Variants in PLXDC2 observed in about 807,000 individuals in gnomAD.
PLXDC2 encodes the protein plexin domain-containing protein 2.
PLXDC2 carries 40 observed loss-of-function variants against 68.9 expected under a neutral mutation model. The ratio of observed to expected loss-of-function variants is 0.58; its 90% CI spans 0.45 to 0.76. PLXDC2 has a LOEUF of 0.76. PLXDC2 is among the 30% of genes least tolerant of loss of function. The pLI is 0.00. For synonymous variants in PLXDC2, 243 were observed against 234.2 expected, an observed-to-expected ratio of 1.04 and a Z score of -0.34; for missense variants, 644 against 661.9, an observed-to-expected ratio of 0.97 and a Z score of 0.30.
In PLXDC2 at chr10:20,279,751, C is replaced by G; in HGVS notation, c.1522C>G (p.His508Asp). ...PAMKFRRGSG[H>D]PAYAEVEPVG... The stretch of plus-strand genomic sequence containing the variant: ...GATGAAGTTTAGAAGAGGCTCTGGA[C>G]ATCCTGCCTATGCTGAAGTTGAACC... Residue 508 changes from histidine (H) to aspartate (D), a missense_variant, in exon 14 of 14, where the codon CAT becomes GAT. His to Asp is a moderately conservative substitution (Grantham distance 81, BLOSUM62 -1). Coordinates refer to ENST00000377252, the MANE Select transcript of PLXDC2 (RefSeq NM_032812.9). 6.2e-7 allele frequency: 1 copy of G among 1,613,960 alleles called. No individual in the cohort carries two copies. Among genetic ancestry groups the G allele is most frequent in the Non-Finnish European group, 8.5e-7 (1 of 1,179,928 alleles).
At chr10:20,264,045 CA>C (rs1408477446) in intron 13 of PLXDC2, among the ~76,000 whole-genome samples, 11 of 152,002 alleles carry the variant, frequency 7.2e-5, no homozygotes, top group African/African-American at 2.7e-4. Flanking sequence ...TTCACAATAG[CA>C]AAGACATGGA....
intron 1 of PLXDC2, among the ~76,000 whole-genome samples, chr10:19,821,781 G>T (rs906042385): frequency 6.6e-6 from 1 of 152,198 alleles, no homozygotes; most frequent in East Asian, 1.9e-4. Flanking sequence ...AGATCCAGAA[G>T]TCTGCTAAAC....
chr10:20,226,531 A>G (rs1835289854), intron 12 of PLXDC2, among the ~76,000 whole-genome samples: 2 of 152,228 alleles, frequency 1.3e-5, no homozygotes, highest in South Asian at 4.1e-4. Context: ...AAAGGTTGCA[A>G]TTTCGTTGTT....
At chr10:20,142,766 G>A (rs974356769) in intron 4 of PLXDC2, among the ~76,000 whole-genome samples, 17 of 151,408 alleles carry the variant, frequency 1.1e-4, no homozygotes, top group South Asian at 6.2e-4. Context: ...ATTTGAAAAC[G>A]TCACCATGGG....
intron 6 of PLXDC2, among the ~76,000 whole-genome samples, chr10:20,162,513 T>A (rs975658552): frequency 2.6e-5 from 4 of 152,170 alleles, no homozygotes; most frequent in Non-Finnish European, 5.9e-5. Flanking sequence ...CATTAATAGA[T>A]GCTTGCTTCT....
At chr10:20,125,003 C>A (rs1371710826) in intron 4 of PLXDC2, among the ~76,000 whole-genome samples, 1 of 152,282 alleles carries the variant, frequency 6.6e-6, no homozygotes, top group Non-Finnish European at 1.5e-5. Context: ...AAACCAGCAA[C>A]AACTTGTAGT....
At chr10:20,006,370 A>G (rs1283349521) in intron 2 of PLXDC2, among the ~76,000 whole-genome samples, 2 of 152,220 alleles carry the variant, frequency 1.3e-5, no homozygotes, top group Non-Finnish European at 1.5e-5. Context: ...ACAATGAGCT[A>G]GAAAGACTCT....
chr10:20,151,892 T>C (rs531805456), intron 6 of PLXDC2, among the ~76,000 whole-genome samples: 7 of 152,224 alleles, frequency 4.6e-5, no homozygotes, highest in African/African-American at 1.7e-4. Flanking sequence ...TTTCATTATG[T>C]TTTATGTGAA....
intron 2 of PLXDC2, among the ~76,000 whole-genome samples, chr10:20,003,969 C>T (rs773457623): frequency 1.3e-5 from 2 of 152,164 alleles, no homozygotes; most frequent in Non-Finnish European, 2.9e-5. Context: ...TACATTCTTT[C>T]TCAACCTGAA....
At chr10:20,156,189 C>T (rs1834214706) in intron 6 of PLXDC2, among the ~76,000 whole-genome samples, 1 of 152,132 alleles carries the variant, frequency 6.6e-6, no homozygotes, top group South Asian at 2.1e-4. Flanking sequence ...AGAGTCTTGA[C>T]TATCTTGAGT....
At chr10:20,121,979 A>C (rs1198330967) in intron 4 of PLXDC2, among the ~76,000 whole-genome samples, 1 of 151,960 alleles carries the variant, frequency 6.6e-6, no homozygotes, top group African/African-American at 2.4e-5. Context: ...GTTGCCAAGG[A>C]GGGAGTAGAG....
intron 1 of PLXDC2, among the ~76,000 whole-genome samples, chr10:19,840,998 A>T (rs952171391): frequency 6.6e-6 from 1 of 152,210 alleles, no homozygotes; most frequent in African/African-American, 2.4e-5. Context: ...TAGAATCCTT[A>T]TGAAGCAAGT....
intron 9 of PLXDC2, among the ~76,000 whole-genome samples, chr10:20,178,202 G>A (rs1003347063): frequency 3.3e-5 from 5 of 152,126 alleles, no homozygotes; most frequent in Non-Finnish European, 5.9e-5. Context: ...TTGATGTCAT[G>A]TTGTAATTAG....
chr10:20,060,035 A>AT (rs1387789306), intron 3 of PLXDC2, among the ~76,000 whole-genome samples: 1 of 151,752 alleles, frequency 6.6e-6, no homozygotes, highest in Non-Finnish European at 1.5e-5. Context: ...TATTACTTTT[A>AT]TTTTTTATAT....
At chr10:20,264,300 A>T (rs1203775716) in intron 13 of PLXDC2, among the ~76,000 whole-genome samples, 1 of 152,152 alleles carries the variant, frequency 6.6e-6, no homozygotes, top group East Asian at 1.9e-4. Context: ...AACAATAGAC[A>T]CTGGGGTCTG....
intron 2 of PLXDC2, among the ~76,000 whole-genome samples, chr10:20,030,195 A>AAAAC (rs61347435): frequency 0.75 from 113,563 of 151,190 alleles, 43,251 homozygotes; most frequent in East Asian, 0.9. Context: ...GCTCAGGAAC[A>AAAAC]AAACAAACAA....
At chr10:20,115,651 A>T (rs1833611767) in intron 4 of PLXDC2, among the ~76,000 whole-genome samples, 1 of 152,090 alleles carries the variant, frequency 6.6e-6, no homozygotes, top group African/African-American at 2.4e-5. Flanking sequence ...TAGACAATGA[A>T]CTCTAGAACA....
chr10:19,928,243 T>A (rs1183074522), intron 1 of PLXDC2, among the ~76,000 whole-genome samples: 1 of 152,236 alleles, frequency 6.6e-6, no homozygotes, highest in Non-Finnish European at 1.5e-5. Flanking sequence ...TGAATTGTGC[T>A]GCAATAAACA....
At chr10:20,161,852 G>A (rs543886152) in intron 6 of PLXDC2, among the ~76,000 whole-genome samples, 1 of 151,554 alleles carries the variant, frequency 6.6e-6, no homozygotes, top group Admixed American at 6.6e-5. Context: ...ACCAACATGG[G>A]GAAACCTCCT....
Sources: allele counts gnomAD v4.1 joint callset (sites outside exome capture counted in the v4.1 genomes callset), GRCh38; gene constraint gnomAD v4.1.1; transcripts MANE v1.5; gene names NCBI Gene and HGNC (gene_info 2026-07-23, HGNC 2026-07-21).